Variants in FMN2 observed in about 807,000 individuals in gnomAD.
The protein encoded by FMN2 is formin 2.
FMN2 carries 51 observed loss-of-function variants against 142.3 expected under a neutral mutation model. The observed-to-expected ratio is 0.36, with a 90% CI of 0.29 to 0.45. The LOEUF (loss-of-function observed/expected upper bound fraction) is 0.45. Ranked by LOEUF, FMN2 falls within the 20% of genes least tolerant of loss-of-function variation. FMN2 has a pLI of 1.00. For synonymous variants in FMN2, 882 were observed against 869.8 expected, an observed-to-expected ratio of 1.01 and a Z score of -0.25; for missense variants, 1,936 against 2,122.8, an observed-to-expected ratio of 0.91 and a Z score of 1.73.
chr1:240,318,791 G>A (rs979563504), intron 8 of FMN2, among the ~76,000 whole-genome samples: 1 of 152,102 alleles, frequency 6.6e-6, no homozygotes, highest in Admixed American at 6.6e-5. Flanking sequence ...GAGAGATGGC[G>A]GTTTGGACAA....
chr1:240,244,621 T>G (rs1668019223), intron 6 of FMN2, among the ~76,000 whole-genome samples: 2 of 152,222 alleles, frequency 1.3e-5, no homozygotes, highest in African/African-American at 4.8e-5. Context: ...TTCTTGAATT[T>G]AATAGTAGAA....
Position 240,123,287 on chromosome 1 carries a change from G to A in FMN2, c.1724G>A (p.Ser575Asn), listed in dbSNP as rs745360311. 8 of 1,613,980 alleles carry A rather than the reference G, an allele frequency of 5.0e-6. No individual in the cohort carries two copies. Among genetic ancestry groups the A allele is most frequent in the South Asian group, 2.2e-5 (2 of 91,082 alleles). Residue 575 changes from serine to asparagine, a missense_variant, in exon 2 of 18, where the codon AGT becomes AAT. Ser to Asn is a conservative substitution (Grantham distance 46). Transcript: ENST00000319653. ...IIAMGLLLPF[S>N]DCFREPCNQN... ...GCCATGGGTCTTCTCCTTCCTTTTA[G>A]TGATTGCTTCAGGGAACCGTGTAAT...
At chr1:240,304,536 C>T (rs1244745395) in intron 8 of FMN2, among the ~76,000 whole-genome samples, 7 of 152,016 alleles carry the variant, frequency 4.6e-5, no homozygotes, top group African/African-American at 1.7e-4. Context: ...TGTCTGGCTC[C>T]CAAAAGGTGG....
chr1:240,319,937 G>C (rs766048970), intron 8 of FMN2, among the ~76,000 whole-genome samples: 4 of 152,158 alleles, frequency 2.6e-5, no homozygotes, highest in Non-Finnish European at 5.9e-5. Context: ...TTCCCCAGGA[G>C]TTGAAATAGT....
rs56160767 is a variant in FMN2 at position 240,379,620 on chromosome 1, C to T, written c.4859-12891C>T. The stretch of plus-strand genomic sequence containing the variant: ...ACAGAAATCTAGGAAGATTGAAGGG[C>T]ACTACACAGATCAGACTCCTATACT... On this transcript the variant is annotated intron_variant, in intron 14 of 17. Transcript: ENST00000319653. Among the ~76,000 whole-genome samples the T allele has an allele frequency of 1.1e-3, 165 of 152,158 alleles. 1 individual carries two copies. The highest frequency in any genetic ancestry group is 3.6e-3 in the African/African-American group (151 of 41,524).
intron 7 of FMN2, among the ~76,000 whole-genome samples, chr1:240,277,365 G>A (rs1451884904): frequency 6.0e-5 from 9 of 150,664 alleles, no homozygotes; most frequent in Non-Finnish European, 1.2e-4. Context: ...TTTAAGACCA[G>A]CAGGTCTAAA....
chr1:240,301,956 C>T (rs1670216443), intron 8 of FMN2, among the ~76,000 whole-genome samples: 1 of 151,898 alleles, frequency 6.6e-6, no homozygotes, highest in Admixed American at 6.6e-5. Flanking sequence ...TTCTTTTGTA[C>T]TCTGTTCTCC....
chr1:240,118,973 G>T (rs1030756788), intron 1 of FMN2, among the ~76,000 whole-genome samples: 1 of 152,166 alleles, frequency 6.6e-6, no homozygotes, highest in African/African-American at 2.4e-5. Context: ...ATCTGGAAGT[G>T]TTCATGGGGA....
intron 13 of FMN2, among the ~76,000 whole-genome samples, chr1:240,350,355 A>T (rs72767910): frequency 0.14 from 21,296 of 152,176 alleles, 1,631 homozygotes; most frequent in African/African-American, 0.19. Flanking sequence ...CTATTAAGGA[A>T]AGCCTTGGCC....
chr1:240,126,599 A>C (rs1207910834), intron 2 of FMN2, among the ~76,000 whole-genome samples: 1 of 152,202 alleles, frequency 6.6e-6, no homozygotes, highest in Non-Finnish European at 1.5e-5. Flanking sequence ...TGTTATAGAA[A>C]GTATGAAAAG....
chr1:240,161,127 T>A (rs1572003595), intron 2 of FMN2, among the ~76,000 whole-genome samples: 1 of 152,174 alleles, frequency 6.6e-6, no homozygotes, highest in Admixed American at 6.5e-5. Context: ...TTTTTTTATT[T>A]CATTTCTCTC....
Position 240,425,175 on chromosome 1 carries a change from G to A in FMN2, c.4911-12886G>A, listed in dbSNP as rs566439091. On this transcript the variant is annotated intron_variant, in intron 15 of 17. Transcript: ENST00000319653. ...AGCTTTTACTTTGGCTTCTCATGAG[G>A]ATCTCACTAAGCAAGGATTTGAATG... is the stretch of plus-strand genomic sequence containing the variant. Among the ~76,000 whole-genome samples, 20 of 144,558 alleles carry A rather than the reference G, an allele frequency of 1.4e-4. No individual in the cohort carries two copies. In the Middle Eastern group the frequency reaches 0.015, roughly 111 times the overall value. 94.8% of individuals were successfully genotyped at this position (144,558 alleles called of 152,430 possible).
At chr1:240,224,429 G>A (rs570289291) in intron 6 of FMN2, among the ~76,000 whole-genome samples, 7 of 133,312 alleles carry the variant, frequency 5.3e-5, no homozygotes, top group South Asian at 4.5e-4. Flanking sequence ...TAGAATAAGT[G>A]CGATGTGGTG....
chr1:240,154,803 G>A (rs1663945806), intron 2 of FMN2: 1 of 138,880 alleles, frequency 7.2e-6, no homozygotes, highest in Non-Finnish European at 1.6e-5. Context: ...AGCAAGAAAG[G>A]AATATGCTAA....
At chr1:240,334,595 C>T (rs1671499019) in intron 13 of FMN2, among the ~76,000 whole-genome samples, 2 of 152,046 alleles carry the variant, frequency 1.3e-5, no homozygotes, top group Non-Finnish European at 2.9e-5. Flanking sequence ...CCCCATTTTC[C>T]CTTGGTGTAC....
At chr1:240,408,420 G>GA in intron 15 of FMN2, among the ~76,000 whole-genome samples, 1 of 152,032 alleles carries the variant, frequency 6.6e-6, no homozygotes, top group East Asian at 1.9e-4. Context: ...CAATAAACGG[G>GA]AAAAAAAGAG....
At position 240,388,878 on chromosome 1, in the gene FMN2, G is replaced by A. The variant is rs868052071; in HGVS notation, c.4859-3633G>A. Among the ~76,000 whole-genome samples the A allele has an allele frequency of 6.8e-4, 82 of 121,054 alleles. 1 individual carries two copies. The highest frequency in any genetic ancestry group is 2.7e-3 in the African/African-American group (66 of 24,540). 79.4% of individuals were successfully genotyped at this position (121,054 alleles called of 152,430 possible). ...ACTCCATCTCAAAAAAAAAAAAAAA[G>A]GGGGGGGGTCAAGCATTGCTGGGCG... On this transcript the variant is annotated intron_variant, in intron 14 of 17. Transcript: ENST00000319653.
intron 3 of FMN2, among the ~76,000 whole-genome samples, chr1:240,184,276 G>T (rs1371062916): frequency 6.7e-5 from 7 of 105,132 alleles, no homozygotes; most frequent in African/African-American, 2.7e-4. Context: ...TTGCTCTGTC[G>T]CCCAGGCTGG....
At chr1:240,403,981 AAAAT>A (rs1305578895) in intron 15 of FMN2, among the ~76,000 whole-genome samples, 1 of 152,256 alleles carries the variant, frequency 6.6e-6, no homozygotes, top group African/African-American at 2.4e-5. Flanking sequence ...CACATTTTAA[AAAAT>A]AAATACTATT....
Sources: gnomAD v4.1 joint callset for allele counts (sites outside exome capture counted in the v4.1 genomes callset) on GRCh38, gnomAD v4.1.1 for gene constraint, MANE v1.5 for transcripts, NCBI Gene and HGNC (gene_info 2026-07-23, HGNC 2026-07-21) for gene names.